The following UCHL3 variants were observed in gnomAD, a reference collection of about 807,000 sequenced individuals.
UCHL3 encodes the protein ubiquitin C-terminal hydrolase L3.
A neutral mutation model predicts 35.8 loss-of-function variants in UCHL3; 22 were observed. The ratio of observed to expected loss-of-function variants is 0.61; its 90% CI spans 0.44 to 0.88. The LOEUF is 0.88. UCHL3 is among the 40% of genes least tolerant of loss of function. The pLI, the probability that UCHL3 is intolerant of heterozygous loss-of-function variation, is 0.00. For missense variants in UCHL3, 229 were observed against 276.9 expected (o/e 0.83, Z 1.23); for synonymous variants, 90 against 92.8 (o/e 0.97, Z 0.17).
chr13:75,604,747 ATTGT>A lies in UCHL3; in HGVS notation c.551-17_551-14del, dbSNP rs1566234082. On this transcript the variant is annotated intron_variant, in intron 7 of 8. Transcript: ENST00000377595. ...TCCTGTAAAAACAGCTAAGCATTCA[ATTGT>A]TTGTCTGTTTTCCACAGATGGGCGG... is the stretch of plus-strand genomic sequence containing the variant. 1 of 1,585,460 alleles carries A rather than the reference ATTGT, an allele frequency of 6.3e-7. No homozygotes were observed. Among genetic ancestry groups the A allele is most frequent in the Admixed American group, 1.8e-5 (1 of 55,264 alleles).
intron 7 of UCHL3, 94 bp downstream of exon 7, chr13:75,595,084 A>G (rs917817877): frequency 2.2e-6 from 2 of 897,884 alleles, no homozygotes; most frequent in South Asian, 2.2e-5. Flanking sequence ...TATTGTGTTT[A>G]CTTAAATTAA....
chr13:75,559,748 C>G (rs1423280727), intron 2 of UCHL3, among the ~76,000 whole-genome samples: 1 of 152,138 alleles, frequency 6.6e-6, no homozygotes, highest in African/African-American at 2.4e-5. Flanking sequence ...CCAGCAAATA[C>G]TATAATGTGT....
chr13:75,559,550 A>G (rs1328112392), intron 2 of UCHL3, among the ~76,000 whole-genome samples: 1 of 152,240 alleles, frequency 6.6e-6, no homozygotes, highest in Non-Finnish European at 1.5e-5. Context: ...CCCTTTAAAC[A>G]GGAAGGTCTT....
intron 6 of UCHL3, among the ~76,000 whole-genome samples, chr13:75,571,949 C>A (rs1356811450): frequency 6.7e-6 from 1 of 149,520 alleles, no homozygotes; most frequent in Non-Finnish European, 1.5e-5. Flanking sequence ...GCTCTTTAAC[C>A]CAGCTGTATT....
intron 7 of UCHL3, among the ~76,000 whole-genome samples, chr13:75,595,822 A>G (rs1444668444): frequency 6.7e-6 from 1 of 150,288 alleles, no homozygotes; most frequent in Non-Finnish European, 1.5e-5. Context: ...TCAGTGGACT[A>G]TTTCATGGCA....
intron 3 of UCHL3, among the ~76,000 whole-genome samples, chr13:75,561,533 G>GT (rs35350351): frequency 6.6e-6 from 1 of 151,112 alleles, no homozygotes; most frequent in African/African-American, 2.4e-5. Context: ...CTTAAATACA[G>GT]TTTTTTCAAT....
intron 4 of UCHL3, 62 bp downstream of exon 4, chr13:75,566,913 A>ACCACCTACTGCTCAAT: frequency 6.7e-7 from 1 of 1,500,100 alleles, no homozygotes; most frequent in Non-Finnish European, 8.9e-7. Flanking sequence ...TGCATTGAGC[A>ACCACCTACTGCTCAAT]GTAGGTGGTG....
At chr13:75,564,496 G>C (rs2031622754) in intron 3 of UCHL3, among the ~76,000 whole-genome samples, 1 of 151,976 alleles carries the variant, frequency 6.6e-6, no homozygotes, top group Non-Finnish European at 1.5e-5. Flanking sequence ...TCCTTTACAA[G>C]GTGATTGTCT....
In UCHL3 at chr13:75,569,766, T is replaced by C. The variant is rs1230542749; in HGVS notation, c.474+259T>C. ...TTTAGAGATAATGCAGATTGTGTGCTGTTTGTGCGGCTTGGTGGCCTGTGT... is the reference window on the plus strand; with the variant it reads ...TTTAGAGATAATGCAGATTGTGTGCCGTTTGTGCGGCTTGGTGGCCTGTGT... On this transcript the variant is annotated intron_variant, in intron 6 of 8. Transcript: ENST00000377595. 2.0e-5 allele frequency among the ~76,000 whole-genome samples: 3 copies of C among 152,248 alleles called. No homozygotes were observed. The East Asian group carries it at 5.8e-4, about 29-fold the overall frequency.
chr13:75,577,025 G>C (rs2032044196), intron 6 of UCHL3, among the ~76,000 whole-genome samples: 1 of 152,156 alleles, frequency 6.6e-6, no homozygotes, highest in Non-Finnish European at 1.5e-5. Flanking sequence ...CAAGAAGGGA[G>C]GATCGCTTGA....
intron 6 of UCHL3, among the ~76,000 whole-genome samples, chr13:75,582,029 A>G (rs1268242366): frequency 1.3e-5 from 2 of 152,186 alleles, no homozygotes; most frequent in Non-Finnish European, 2.9e-5. Context: ...AATGGAAAAC[A>G]CTGAAATTGG....
intron 3 of UCHL3, among the ~76,000 whole-genome samples, chr13:75,562,780 AAC>A (rs2031558525): frequency 6.6e-6 from 1 of 152,204 alleles, no homozygotes; most frequent in South Asian, 2.1e-4. Flanking sequence ...TGAAAGGAAG[AAC>A]ACAGTTCTAA....
rs148312597 is a variant in UCHL3 at position 75,562,489 on chromosome 13, C to T, written c.183+1608C>T. Among the ~76,000 whole-genome samples the T allele has an allele frequency of 1.9e-3, 293 of 151,968 alleles. 4 individuals carry two copies. The highest frequency in any genetic ancestry group is 3.4e-3 in the Non-Finnish European group (228 of 67,924). On this transcript the variant is annotated intron_variant, in intron 3 of 8. Transcript: ENST00000377595. ...TTTTTTGATTACAAAAATAAGCCAA[C>T]AGATAACTATTCCAGGACCCCAGTT...
intron 7 of UCHL3, among the ~76,000 whole-genome samples, chr13:75,600,038 G>A (rs937333467): frequency 6.6e-6 from 1 of 152,216 alleles, no homozygotes; most frequent in Admixed American, 6.5e-5. Context: ...AAGTTTGAGT[G>A]GTCTGGATAG....
intron 6 of UCHL3, among the ~76,000 whole-genome samples, chr13:75,591,110 A>G (rs2032467358): frequency 6.6e-6 from 1 of 152,180 alleles, no homozygotes; most frequent in Non-Finnish European, 1.5e-5. Context: ...GTCTGATTAC[A>G]CGTACATTTA....
intron 6 of UCHL3, among the ~76,000 whole-genome samples, chr13:75,583,013 A>G (rs915126889): frequency 6.6e-6 from 1 of 152,206 alleles, no homozygotes; most frequent in Non-Finnish European, 1.5e-5. Flanking sequence ...TCTGGAAATT[A>G]TACAGTTGGA....
intron 6 of UCHL3, chr13:75,589,900 G>A (rs774339956): frequency 2.0e-5 from 26 of 1,274,120 alleles, no homozygotes; most frequent in South Asian, 1.3e-4. Flanking sequence ...ACCCAGTAAC[G>A]TGGTCTAAGT....
intron 7 of UCHL3, among the ~76,000 whole-genome samples, chr13:75,601,534 A>G (rs1295918451): frequency 6.6e-6 from 1 of 152,260 alleles, no homozygotes; most frequent in East Asian, 1.9e-4. Flanking sequence ...TGAGATGATC[A>G]TTAGCATTTT....
At chr13:75,595,098 G>C (rs7330411) in intron 7 of UCHL3, 108 bp downstream of exon 7, 1 of 770,044 alleles carries the variant, frequency 1.3e-6, no homozygotes, top group Admixed American at 3.0e-5. Flanking sequence ...AAATTAACTG[G>C]TTGCCTATAA....
Sources: gnomAD v4.1 joint callset for allele counts (sites outside exome capture counted in the v4.1 genomes callset) on GRCh38, gnomAD v4.1.1 for gene constraint, MANE v1.5 for transcripts, NCBI Gene and HGNC (gene_info 2026-07-23, HGNC 2026-07-21) for gene names.